KIAA1217: variants seen among roughly 807,000 people sequenced by gnomAD.
The protein encoded by KIAA1217 is sickle tail protein homolog.
A neutral mutation model predicts 163.9 loss-of-function variants in KIAA1217; 88 were observed. The observed-to-expected ratio is 0.54, with a 90% CI of 0.45 to 0.64. The LOEUF (loss-of-function observed/expected upper bound fraction) is 0.64. Ranked by LOEUF, KIAA1217 falls within the 30% of genes least tolerant of loss-of-function variation. KIAA1217 has a pLI of 0.00. For synonymous variants in KIAA1217, 903 were observed against 923.1 expected (o/e 0.98, Z 0.39); for missense variants, 2,372 against 2,475.0 (o/e 0.96, Z 0.88).
In KIAA1217 at chr10:24,521,968, G is replaced by A. The variant is rs759136416; in HGVS notation, c.2456+39G>A. Reference sequence around the variant, plus strand: ...CATCGTGCTGGGGGTGGCCTGCGGAGGGGTGCACTGGGAAACCGAGAGTGG... The same window carrying A: ...CATCGTGCTGGGGGTGGCCTGCGGAAGGGTGCACTGGGAAACCGAGAGTGG... On this transcript the variant is annotated intron_variant, in intron 12 of 20. Coordinates refer to ENST00000376454, the MANE Select transcript of KIAA1217 (RefSeq NM_019590.5). 16 of 1,583,644 alleles carry A rather than the reference G, an allele frequency of 1.0e-5. No individual in the cohort carries two copies. The East Asian group carries it at 1.1e-4, about 11-fold the overall frequency.
chr10:24,054,085 G>C (rs940519548), intron 2 of KIAA1217, among the ~76,000 whole-genome samples: 2 of 152,182 alleles, frequency 1.3e-5, no homozygotes, highest in African/African-American at 4.8e-5. Context: ...CAAGATGAAG[G>C]CCATGAGAGA....
chr10:24,011,807 T>G (rs1293219914), intron 2 of KIAA1217, among the ~76,000 whole-genome samples: 1 of 152,180 alleles, frequency 6.6e-6, no homozygotes, highest in Non-Finnish European at 1.5e-5. Context: ...CATGTTTTTA[T>G]TTATTAAATG....
chr10:24,034,954 G>A (rs1381643599), intron 2 of KIAA1217, among the ~76,000 whole-genome samples: 1 of 152,184 alleles, frequency 6.6e-6, no homozygotes, highest in East Asian at 1.9e-4. Context: ...GCATTTTGGG[G>A]TCTGGCACAC....
At chr10:24,064,373 G>T (rs1589360106) in intron 2 of KIAA1217, among the ~76,000 whole-genome samples, 1 of 152,096 alleles carries the variant, frequency 6.6e-6, no homozygotes, top group South Asian at 2.1e-4. Flanking sequence ...TTTTTCAAAG[G>T]CCTCTTCTGC....
intron 2 of KIAA1217, among the ~76,000 whole-genome samples, chr10:24,330,416 CAGAA>C (rs2045522503): frequency 1.3e-5 from 2 of 151,836 alleles, no homozygotes; most frequent in South Asian, 4.2e-4. Flanking sequence ...GATCATTAGA[CAGAA>C]AGTTTGTAAG....
intron 1 of KIAA1217, among the ~76,000 whole-genome samples, chr10:23,903,643 G>A (rs1842037911): frequency 6.6e-6 from 1 of 152,064 alleles, no homozygotes; most frequent in African/African-American, 2.4e-5. Context: ...GTATAGGACA[G>A]GGCACCTGTC....
chr10:24,215,736 G>A (rs1389518755), intron 1 of KIAA1217, among the ~76,000 whole-genome samples: 2 of 152,232 alleles, frequency 1.3e-5, no homozygotes, highest in Admixed American at 1.3e-4. Context: ...TCGAGGAAAA[G>A]GCTCAAGTGA....
At chr10:24,187,393 C>CA (rs981004629) in intron 2 of KIAA1217, among the ~76,000 whole-genome samples, 5 of 152,244 alleles carry the variant, frequency 3.3e-5, no homozygotes, top group African/African-American at 1.2e-4. Context: ...GTCCGGCTTC[C>CA]AAAAAATGTC....
In KIAA1217 at chr10:24,330,138, A is replaced by G. The variant is rs528216428; in HGVS notation, c.355-50731A>G. On this transcript the variant is annotated intron_variant, in intron 2 of 20. Transcript: ENST00000376454. ...AACATGGTGAAATCCTGTTTCTACT[A>G]AAAATACAAAAATTAGCCAGGCGTG... 4.6e-5 allele frequency among the ~76,000 whole-genome samples: 7 copies of G among 152,088 alleles called. No homozygotes were observed. In the South Asian group the frequency reaches 1.2e-3, roughly 27 times the overall value.
chr10:24,111,383 A>C (rs2062838174), intron 2 of KIAA1217, among the ~76,000 whole-genome samples: 2 of 152,150 alleles, frequency 1.3e-5, no homozygotes, highest in African/African-American at 4.8e-5. Flanking sequence ...TGAATAACGC[A>C]ATATTCTCTT....
chr10:24,541,420 C>T (rs919058623), intron 17 of KIAA1217, among the ~76,000 whole-genome samples: 5 of 151,918 alleles, frequency 3.3e-5, no homozygotes, highest in Non-Finnish European at 7.4e-5. Context: ...ATTCTGACTG[C>T]GTTGTTTGTG....
chr10:24,276,895 A>G (rs1369073641), intron 2 of KIAA1217, among the ~76,000 whole-genome samples: 2 of 151,542 alleles, frequency 1.3e-5, no homozygotes, highest in Non-Finnish European at 2.9e-5. Flanking sequence ...GGCATGAGCC[A>G]CCACACCCAG....
intron 1 of KIAA1217, among the ~76,000 whole-genome samples, chr10:23,794,566 T>C (rs187380442): frequency 6.6e-6 from 1 of 152,364 alleles, no homozygotes; most frequent in African/African-American, 2.4e-5. Context: ...GTTTTGATAT[T>C]TGTTAACAAC....
chr10:23,728,038 A>G lies in KIAA1217; in HGVS notation c.-321+32804A>G, dbSNP rs534359726. Among the ~76,000 whole-genome samples the G allele has an allele frequency of 2.0e-5, 3 of 152,244 alleles. No homozygotes were observed. In the South Asian group the frequency reaches 6.2e-4, roughly 32 times the overall value. On this transcript the variant is annotated intron_variant, in intron 1 of 18. Coordinates refer to the KIAA1217 transcript ENST00000376462. ...TATATGTGCCCCATTTTCTTTATCC[A>G]GTCTATCATTGATGGGCATTTGGGT...
intron 2 of KIAA1217, among the ~76,000 whole-genome samples, chr10:24,329,697 T>G (rs2045406857): frequency 1.3e-5 from 2 of 152,172 alleles, no homozygotes; most frequent in Admixed American, 1.3e-4. Flanking sequence ...AATATGATCG[T>G]GTAATGTACT....
At chr10:23,793,078 C>T (rs968666658) in intron 1 of KIAA1217, among the ~76,000 whole-genome samples, 1 of 151,712 alleles carries the variant, frequency 6.6e-6, no homozygotes. Flanking sequence ...AAGGCAAGGT[C>T]ATTTCTGCTC....
intron 3 of KIAA1217, among the ~76,000 whole-genome samples, chr10:24,412,752 T>A (rs1370419168): frequency 1.3e-5 from 2 of 152,170 alleles, no homozygotes; most frequent in African/African-American, 4.8e-5. Flanking sequence ...TCGGTGTGAA[T>A]GGATCCTGCC....
At chr10:24,267,246 G>A (rs1461409846) in intron 2 of KIAA1217, among the ~76,000 whole-genome samples, 1 of 152,194 alleles carries the variant, frequency 6.6e-6, no homozygotes, top group African/African-American at 2.4e-5. Context: ...TCACATAGCT[G>A]CTGGGAAGAT....
At chr10:24,545,624 T>G (rs2075655448) in intron 20 of KIAA1217, 1 of 1,388,688 alleles carries the variant, frequency 7.2e-7, no homozygotes, top group Admixed American at 3.4e-5. Flanking sequence ...CCTTTCCTCC[T>G]TTCCCGTCCA....
Sources: allele counts gnomAD v4.1 joint callset (sites outside exome capture counted in the v4.1 genomes callset), GRCh38; gene constraint gnomAD v4.1.1; transcripts MANE v1.5; gene names NCBI Gene and HGNC (gene_info 2026-07-23, HGNC 2026-07-21).